The following LIN28B variants were observed in gnomAD, a reference collection of about 807,000 sequenced individuals.
The protein encoded by LIN28B is lin-28 RNA binding posttranscriptional regulator B, also known as protein lin-28 homolog B.
In LIN28B, 5 loss-of-function variants were observed where a neutral mutation model predicts 21.9. The ratio of observed to expected loss-of-function variants is 0.23; its 90% CI spans 0.12 to 0.48. The LOEUF (loss-of-function observed/expected upper bound fraction) is 0.48, where lower values mean the gene tolerates loss of function less well. Among genes scored for constraint, LIN28B ranks in the 20% least tolerant of loss-of-function variants. The pLI is 0.98. For synonymous variants in LIN28B, 109 were observed against 111.3 expected (o/e 0.98, Z 0.13); for missense variants, 245 against 310.5 (o/e 0.79, Z 1.58).
chr6:105,038,464 C>G (rs1227490221), intron 3 of LIN28B, among the ~76,000 whole-genome samples: 1 of 152,148 alleles, frequency 6.6e-6, no homozygotes, highest in East Asian at 1.9e-4. Context: ...AAGCTGAGCA[C>G]AGAGCACCAG....
intron 3 of LIN28B, among the ~76,000 whole-genome samples, chr6:105,064,635 T>C (rs1387301846): frequency 6.6e-6 from 1 of 152,210 alleles, no homozygotes; most frequent in Non-Finnish European, 1.5e-5. Flanking sequence ...TTTGTAGCTA[T>C]TGTATTTTTA....
At chr6:104,988,871 G>A (rs1582880907) in intron 2 of LIN28B, among the ~76,000 whole-genome samples, 1 of 152,196 alleles carries the variant, frequency 6.6e-6, no homozygotes, top group East Asian at 1.9e-4. Flanking sequence ...GATCCACTGT[G>A]CCCAGCCACT....
intron 3 of LIN28B, among the ~76,000 whole-genome samples, chr6:104,951,517 T>C (rs1349429725): frequency 6.6e-6 from 1 of 152,142 alleles, no homozygotes; most frequent in African/African-American, 2.4e-5. Context: ...ATTATTGTTT[T>C]CATTTATTAA....
chr6:104,954,910 T>C (rs1157904202), upstream of LIN28B, among the ~76,000 whole-genome samples: 1 of 152,220 alleles, frequency 6.6e-6, no homozygotes, highest in Non-Finnish European at 1.5e-5. Flanking sequence ...GGTTTTATAA[T>C]GATTAAACTG....
intron 3 of LIN28B, among the ~76,000 whole-genome samples, chr6:105,054,262 T>C (rs1562108381): frequency 6.6e-6 from 1 of 152,204 alleles, no homozygotes; most frequent in African/African-American, 2.4e-5. Flanking sequence ...TTTTCTCATT[T>C]GGTTTTGTTT....
At position 104,961,818 on chromosome 6, in the gene LIN28B, G is replaced by A. The variant is rs1769745314; in HGVS notation, c.198+3532G>A. 2.0e-5 allele frequency among the ~76,000 whole-genome samples: 3 copies of A among 152,062 alleles called. No individual in the cohort carries two copies. The South Asian group carries it at 6.2e-4, about 32-fold the overall frequency. ...TTTTTAAAATCACAGTTAGATTGTAGGATAACATTTACATTACCTGGAAAA... is the reference window on the plus strand; with the variant it reads ...TTTTTAAAATCACAGTTAGATTGTAAGATAACATTTACATTACCTGGAAAA... On this transcript the variant is annotated intron_variant, in intron 2 of 3. Coordinates refer to ENST00000345080, the MANE Select transcript of LIN28B (RefSeq NM_001004317.4).
intron 3 of LIN28B, among the ~76,000 whole-genome samples, chr6:105,071,638 C>T (rs1382382192): frequency 6.6e-6 from 1 of 152,102 alleles, no homozygotes; most frequent in Non-Finnish European, 1.5e-5. Context: ...TTCCAATATG[C>T]TGTCAAATTG....
At chr6:105,031,682 C>T (rs1275289619) in intron 3 of LIN28B, among the ~76,000 whole-genome samples, 3 of 151,960 alleles carry the variant, frequency 2.0e-5, no homozygotes, top group East Asian at 1.9e-4. Context: ...CACAGGCACC[C>T]ACCACCACAC....
intron 3 of LIN28B, among the ~76,000 whole-genome samples, chr6:105,056,766 T>A (rs1582923822): frequency 6.6e-6 from 1 of 152,296 alleles, no homozygotes; most frequent in Middle Eastern, 3.4e-3. Flanking sequence ...TTCCAACTGC[T>A]TTAGAAACTC....
intron 2 of LIN28B, among the ~76,000 whole-genome samples, chr6:105,008,282 C>CA (rs1384849084): frequency 6.6e-6 from 1 of 152,098 alleles, no homozygotes; most frequent in East Asian, 1.9e-4. Flanking sequence ...TGAGAGTGAC[C>CA]ATACAAACTC....
chr6:104,991,078 C>T (rs1054127219), intron 2 of LIN28B, among the ~76,000 whole-genome samples: 3 of 152,198 alleles, frequency 2.0e-5, no homozygotes, highest in Admixed American at 6.5e-5. Context: ...CTGTTGGGTA[C>T]ACCTCCCAGA....
chr6:104,999,744 G>C (rs1770682709), intron 2 of LIN28B, among the ~76,000 whole-genome samples: 1 of 152,066 alleles, frequency 6.6e-6, no homozygotes, highest in South Asian at 2.1e-4. Flanking sequence ...GCATTGGCAT[G>C]ATCTCGGCTC....
chr6:105,053,978 A>G (rs114234021), intron 3 of LIN28B, among the ~76,000 whole-genome samples: 13 of 152,142 alleles, frequency 8.5e-5, no homozygotes, highest in African/African-American at 2.7e-4. Flanking sequence ...ACCTGATCTC[A>G]GGTGATCCAC....
rs1562096652 is a variant in LIN28B, at chr6:105,023,567, A to ATTATATATAATATATATTATATATTTT, written c.199-2731_199-2730insTTATATATAATATATATTATATATTTT. ...TAATATATAACCTATATATATATAT[A>ATTATATATAATATATATTATATATTTT]ATATATATAATATATATTATATATA... On this transcript the variant is annotated intron_variant, in intron 2 of 3. Transcript: ENST00000345080. 3.4e-4 allele frequency among the ~76,000 whole-genome samples: 11 copies of ATTATATATAATATATATTATATATTTT among 32,228 alleles called. 3 individuals carry two copies. Among genetic ancestry groups the ATTATATATAATATATATTATATATTTT allele is most frequent in the African/African-American group, 1.7e-3 (10 of 6,022 alleles). 21.1% of individuals were successfully genotyped at this position (32,228 alleles called of 152,430 possible). A position where few individuals can be genotyped will look rare whatever the true frequency, so the allele number is the denominator to read the frequency against.
chr6:105,017,623 G>A (rs1485938299), intron 2 of LIN28B, among the ~76,000 whole-genome samples: 1 of 152,050 alleles, frequency 6.6e-6, no homozygotes, highest in Non-Finnish European at 1.5e-5. Context: ...ATTATTCTAA[G>A]CAAATTAATG....
intron 2 of LIN28B, among the ~76,000 whole-genome samples, chr6:105,018,075 C>G (rs901231253): frequency 2.0e-5 from 3 of 152,036 alleles, no homozygotes; most frequent in African/African-American, 7.2e-5. Context: ...AGTTCAAGAC[C>G]AGCCTAGTGA....
At chr6:104,991,413 C>CGGGGCGGCGGGGCAGAG in intron 2 of LIN28B, among the ~76,000 whole-genome samples, 1 of 143,744 alleles carries the variant, frequency 7.0e-6, no homozygotes, top group Non-Finnish European at 1.5e-5. Flanking sequence ...ACATCCCAGA[C>CGGGGCGGCGGGGCAGAG]GGGGCGGCGG....
At chr6:104,959,218 TAA>T (rs1423332533) in intron 2 of LIN28B, among the ~76,000 whole-genome samples, 1 of 152,152 alleles carries the variant, frequency 6.6e-6, no homozygotes, top group Non-Finnish European at 1.5e-5. Context: ...CAAAAAAAGG[TAA>T]ATATAAATTT....
intron 2 of LIN28B, among the ~76,000 whole-genome samples, chr6:105,010,389 T>C (rs1770899348): frequency 6.6e-6 from 1 of 151,514 alleles, no homozygotes; most frequent in Admixed American, 6.6e-5. Context: ...GTTAGAATGA[T>C]AACAGTTTCA....
Sources: gnomAD v4.1 joint callset for allele counts (sites outside exome capture counted in the v4.1 genomes callset) on GRCh38, gnomAD v4.1.1 for gene constraint, MANE v1.5 for transcripts, NCBI Gene and HGNC (gene_info 2026-07-23, HGNC 2026-07-21) for gene names.